The following CPPED1 variants were observed in gnomAD, a reference collection of about 807,000 sequenced individuals.
CPPED1 encodes the protein serine/threonine-protein phosphatase CPPED1.
CPPED1 carries 28 observed loss-of-function variants against 28.0 expected under a neutral mutation model. The ratio of observed to expected loss-of-function variants is 1.00; its 90% CI spans 0.74 to 1.37. CPPED1 has a LOEUF of 1.37. Among genes scored for constraint, CPPED1 ranks in the 40% most tolerant of loss-of-function variants. The probability of loss-of-function intolerance (pLI) is 0.00; values close to 1 mark genes in which losing one functional copy is unlikely to be tolerated. For missense variants in CPPED1, 504 were observed against 416.5 expected (o/e 1.21, Z -1.83); for synonymous variants, 198 against 180.2 (o/e 1.10, Z -0.79).
chr16:12,784,323 C>T (rs1567305919), intron 1 of CPPED1, among the ~76,000 whole-genome samples: 1 of 152,154 alleles, frequency 6.6e-6, no homozygotes, highest in Non-Finnish European at 1.5e-5. Context: ...GACACCACAG[C>T]CCCAACAGAT....
At chr16:12,666,769 T>C (rs954939152) in intron 3 of CPPED1, among the ~76,000 whole-genome samples, 27 of 152,242 alleles carry the variant, frequency 1.8e-4, no homozygotes, top group African/African-American at 6.5e-4. Flanking sequence ...TGATCAGTTT[T>C]GAGTATTTAT....
rs190765388 is a variant in CPPED1 at position 12,787,154 on chromosome 16, T to C, written c.71-5751A>G. Among the ~76,000 whole-genome samples, 9 of 152,130 alleles carry C rather than the reference T, an allele frequency of 5.9e-5. No homozygotes were observed. In the East Asian group the frequency reaches 1.7e-3, roughly 30 times the overall value. ...AGTCAGGGGCCCTAACTGATGACTA[T>C]GATGAAAACCAAGGTCAAATTTTGA... On this transcript the variant is annotated intron_variant, in intron 1 of 3. Transcript: ENST00000381774.
intron 2 of CPPED1, among the ~76,000 whole-genome samples, chr16:12,778,400 C>T (rs965669105): frequency 4.0e-5 from 6 of 151,686 alleles, no homozygotes; most frequent in Non-Finnish European, 7.4e-5. Flanking sequence ...CTCAGCCCCC[C>T]AGAGTAGCTG....
At chr16:12,678,558 G>T (rs1383193947) in intron 3 of CPPED1, among the ~76,000 whole-genome samples, 1 of 152,140 alleles carries the variant, frequency 6.6e-6, no homozygotes. Context: ...ATTTACTCAG[G>T]TCTTTTAAAA....
intron 1 of CPPED1, among the ~76,000 whole-genome samples, chr16:12,798,945 C>G (rs998989892): frequency 2.0e-5 from 3 of 152,072 alleles, no homozygotes; most frequent in African/African-American, 4.8e-5. Flanking sequence ...GTCAACAGAG[C>G]CTAGCACATT....
intron 3 of CPPED1, among the ~76,000 whole-genome samples, chr16:12,693,007 C>T (rs896201239): frequency 3.9e-5 from 6 of 152,096 alleles, no homozygotes; most frequent in Non-Finnish European, 5.9e-5. Flanking sequence ...AGAAGGGAGA[C>T]GTGTGAGGAA....
intron 1 of CPPED1, among the ~76,000 whole-genome samples, chr16:12,803,345 C>T (rs2080672096): frequency 6.6e-6 from 1 of 152,202 alleles, no homozygotes; most frequent in Non-Finnish European, 1.5e-5. Context: ...CAAGTATTCC[C>T]GTTTCACAGA....
At chr16:12,786,467 G>A (rs2080563721) in intron 1 of CPPED1, among the ~76,000 whole-genome samples, 1 of 152,094 alleles carries the variant, frequency 6.6e-6, no homozygotes, top group African/African-American at 2.4e-5. Context: ...TTTTGTTTTG[G>A]TTTGGTTTTG....
At chr16:12,728,325 A>G (rs2080179960) in intron 2 of CPPED1, among the ~76,000 whole-genome samples, 1 of 152,186 alleles carries the variant, frequency 6.6e-6, no homozygotes, top group African/African-American at 2.4e-5. Context: ...GTGATTATCT[A>G]TACTGAGAAA....
chr16:12,731,759 C>T (rs1266903784), intron 2 of CPPED1, among the ~76,000 whole-genome samples: 1 of 150,014 alleles, frequency 6.7e-6, no homozygotes, highest in East Asian at 1.9e-4. Context: ...TAAATGGAAG[C>T]AGGCAGCCAA....
chr16:12,682,194 C>T lies in CPPED1; in HGVS notation c.716-17079G>A, dbSNP rs760305741. Among the ~76,000 whole-genome samples, 4 of 152,034 alleles carry T rather than the reference C, an allele frequency of 2.6e-5. No homozygotes were observed. The highest frequency in any genetic ancestry group is 5.9e-5 in the Non-Finnish European group (4 of 68,002). ...AGATTACAGGTTCCCGCTACCATGC[C>T]CAGCTAATTTTTGTGTCTTTAGTAG... On this transcript the variant is annotated intron_variant, in intron 3 of 3. Transcript: ENST00000381774. This position sits in a 1 kb window ranked among gnomAD's most constrained non-coding sequence, Gnocchi z 6.1.
intron 2 of CPPED1, among the ~76,000 whole-genome samples, chr16:12,778,231 T>A (rs2080509251): frequency 6.6e-6 from 1 of 151,044 alleles, no homozygotes; most frequent in South Asian, 2.1e-4. Context: ...TCAACTTAAA[T>A]CCACTTGGCC....
intron 2 of CPPED1, among the ~76,000 whole-genome samples, chr16:12,751,669 C>T (rs984001734): frequency 2.0e-5 from 3 of 152,170 alleles, no homozygotes; most frequent in Non-Finnish European, 4.4e-5. Context: ...TAACATATGC[C>T]ACTGTTCTTT....
chr16:12,752,991 A>T (rs1000780424), intron 2 of CPPED1: 6 of 151,862 alleles, frequency 4.0e-5, no homozygotes, highest in Non-Finnish European at 8.8e-5. Context: ...TGCCTTTCAG[A>T]TTCATAAACT....
chr16:12,696,416 A>AGACATGGT (rs1055109841), intron 3 of CPPED1, among the ~76,000 whole-genome samples: 4 of 151,342 alleles, frequency 2.6e-5, no homozygotes, highest in African/African-American at 4.9e-5. Flanking sequence ...ACTATGAGCC[A>AGACATGGT]GACATGGTGC....
chr16:12,774,561 T>C (rs1263175419), intron 2 of CPPED1, among the ~76,000 whole-genome samples: 1 of 152,190 alleles, frequency 6.6e-6, no homozygotes, highest in Admixed American at 6.5e-5. Context: ...TTTCTTGATC[T>C]GTTATGAATG....
chr16:12,681,820 C>T (rs1283012723), intron 3 of CPPED1, among the ~76,000 whole-genome samples: 1 of 152,144 alleles, frequency 6.6e-6, no homozygotes, highest in African/African-American at 2.4e-5. Context: ...CCACCCACCG[C>T]ATCTGCATCC....
At chr16:12,688,134 G>A (rs2079943084) in intron 3 of CPPED1, among the ~76,000 whole-genome samples, 1 of 151,722 alleles carries the variant, frequency 6.6e-6, no homozygotes, top group South Asian at 2.1e-4. Context: ...AGGCTCAGGT[G>A]GTTCTCCTGC....
rs1288570674 is a variant in CPPED1, at chr16:12,721,608, C to T, written c.290-16559G>A. Among the ~76,000 whole-genome samples, 4 of 152,022 alleles carry T rather than the reference C, an allele frequency of 2.6e-5. No homozygotes were observed. The East Asian group carries it at 7.7e-4, about 29-fold the overall frequency. On this transcript the variant is annotated intron_variant, in intron 2 of 3. Transcript: ENST00000381774. ...TCCCTACTAAAAATAAAAAAATTAGCCGGGCATGGTAGCGGGCACCTGTAG... is the reference window on the plus strand; with the variant it reads ...TCCCTACTAAAAATAAAAAAATTAGTCGGGCATGGTAGCGGGCACCTGTAG...
Sources: allele counts gnomAD v4.1 joint callset (sites outside exome capture counted in the v4.1 genomes callset), GRCh38; gene constraint gnomAD v4.1.1; non-coding constraint Gnocchi (gnomAD v3.1); transcripts MANE v1.5; gene names NCBI Gene and HGNC (gene_info 2026-07-23, HGNC 2026-07-21).